AHDC1: variants seen among roughly 807,000 people sequenced by gnomAD.
The protein encoded by AHDC1 is AT-hook DNA binding motif containing 1.
Under a neutral mutation model 87.9 loss-of-function variants are expected in AHDC1, and 7 were observed. The observed-to-expected ratio is 0.08, with a 90% CI of 0.05 to 0.15. The LOEUF (loss-of-function observed/expected upper bound fraction) is 0.15, where lower values mean the gene tolerates loss of function less well. Ranked by LOEUF, AHDC1 falls within the 10% of genes least tolerant of loss-of-function variation. AHDC1 has a pLI of 1.00. For synonymous variants in AHDC1, 1,051 were observed against 1,006.8 expected, an observed-to-expected ratio of 1.04 and a Z score of -0.83; for missense variants, 1,841 against 2,253.2, an observed-to-expected ratio of 0.82 and a Z score of 3.70.
In AHDC1 at chr1:27,599,179, A is replaced by ACAGGGC. The variant is rs141660002; in HGVS notation, c.-629+4212_-629+4217dup. Among the ~76,000 whole-genome samples the ACAGGGC allele has an allele frequency of 5.0e-3, 764 of 152,064 alleles. 5 individuals carry two copies. Among genetic ancestry groups the ACAGGGC allele is most frequent in the East Asian group, 9.1e-3 (47 of 5,172 alleles). Reference sequence around the variant, plus strand: ...GCTACACCCTCCACACAGCCCTACCACAGGGCCAGGGCCAGGGCCAGGGCC... The same window carrying ACAGGGC: ...GCTACACCCTCCACACAGCCCTACCACAGGGCCAGGGCCAGGGCCAGGGCCAGGGCC... On this transcript the variant is annotated intron_variant, in intron 3 of 8. Coordinates refer to ENST00000673934, the MANE Select transcript of AHDC1 (RefSeq NM_001371928.1).
chr1:27,600,195 G>A (rs1353214975), intron 3 of AHDC1, among the ~76,000 whole-genome samples: 1 of 151,818 alleles, frequency 6.6e-6, no homozygotes, highest in East Asian at 2.0e-4. Flanking sequence ...CCCTCCCTGG[G>A]GGGGGCCCAT....
intron 8 of AHDC1, among the ~76,000 whole-genome samples, chr1:27,538,304 G>T (rs544131673): frequency 1.3e-5 from 2 of 150,070 alleles, no homozygotes; most frequent in Admixed American, 1.3e-4. Context: ...TCGGGAGGCC[G>T]AGGCATGAGA....
At position 27,549,535 on chromosome 1, in the gene AHDC1, G is replaced by C; in HGVS notation, c.2581C>G (p.Arg861Gly). 5 of 1,613,278 alleles carry C rather than the reference G, an allele frequency of 3.1e-6. No individual in the cohort carries two copies. The highest frequency in any genetic ancestry group is 4.2e-6 in the Non-Finnish European group (5 of 1,179,994). Reference sequence around the variant, plus strand: ...CCCGATGCCTTCCGGGACTCTGGGCGAGAGGCTGAGAGGGCAAAGTCCAAG... The same window carrying C: ...CCCGATGCCTTCCGGGACTCTGGGCCAGAGGCTGAGAGGGCAAAGTCCAAG... ...DLLDFALSAS[R>G]PESRKASGTY... Residue 861 changes from arginine to glycine, a missense_variant, in exon 8 of 9, where the codon CGC (arginine) becomes GGC (glycine). Coordinates refer to ENST00000673934, the MANE Select transcript of AHDC1 (RefSeq NM_001371928.1).
chr1:27,555,742 C>CT (rs1252762993), intron 5 of AHDC1, among the ~76,000 whole-genome samples: 1 of 148,704 alleles, frequency 6.7e-6, no homozygotes, highest in Non-Finnish European at 1.5e-5. Context: ...GAGGGTCAGG[C>CT]TAGCCGAGCC....
At chr1:27,539,059 T>G (rs562596067) in intron 8 of AHDC1, among the ~76,000 whole-genome samples, 1 of 152,230 alleles carries the variant, frequency 6.6e-6, no homozygotes, top group South Asian at 2.1e-4. Flanking sequence ...ATTCACTGAA[T>G]TATCGATGAG....
intron 8 of AHDC1, among the ~76,000 whole-genome samples, chr1:27,537,457 C>A (rs2018695056): frequency 6.6e-6 from 1 of 152,190 alleles, no homozygotes; most frequent in Non-Finnish European, 1.5e-5. Context: ...CACTGCTGAA[C>A]ACTACCCAGC....
rs190577883 is a variant in AHDC1 at position 27,548,246 on chromosome 1, C to T, written c.3870G>A (p.Ala1290=). 24 of 1,612,238 alleles carry T rather than the reference C, an allele frequency of 1.5e-5. 1 individual carries two copies. In the Middle Eastern group the frequency reaches 2.6e-3, roughly 177 times the overall value. ...CSAKKERGGA[A]AKAKFIPKPQ... ...GCTTGGGGATGAACTTGGCTTTGGC[C>T]GCTGCGCCACCCCGCTCCTTCTTGG... Residue 1290 remains alanine (A), a synonymous_variant, in exon 8 of 9, where the codon GCG becomes GCA. Coordinates refer to ENST00000673934, the MANE Select transcript of AHDC1 (RefSeq NM_001371928.1).
intron 3 of AHDC1, among the ~76,000 whole-genome samples, chr1:27,576,927 A>G (rs2088770322): frequency 6.6e-6 from 1 of 152,114 alleles, no homozygotes; most frequent in African/African-American, 2.4e-5. Flanking sequence ...ACATATATAC[A>G]GTGCATCCCA....
intron 3 of AHDC1, among the ~76,000 whole-genome samples, chr1:27,571,109 A>C (rs1226278314): frequency 6.6e-6 from 1 of 152,186 alleles, no homozygotes; most frequent in Admixed American, 6.5e-5. Context: ...GGCCAGACCC[A>C]GTGTGGGCTG....
intron 3 of AHDC1, among the ~76,000 whole-genome samples, chr1:27,596,188 G>T (rs1275943973): frequency 6.6e-6 from 1 of 152,038 alleles, no homozygotes; most frequent in Non-Finnish European, 1.5e-5. Context: ...GGGGTGTTGA[G>T]ACAGGCAGTC....
In AHDC1 at chr1:27,558,987, G is replaced by A. The variant is rs1415614501; in HGVS notation, c.-628-104C>T. The A allele has an allele frequency of 5.0e-6, 2 of 397,668 alleles. No individual in the cohort carries two copies. Among genetic ancestry groups the A allele is most frequent in the East Asian group, 3.6e-5 (1 of 28,080 alleles). The allele number at this position is 397,668 out of a possible 1,614,324, so 24.6% of individuals were successfully genotyped here. Reference sequence around the variant, plus strand: ...ACTGAGCCAGGAAGCTCTCCTACATGGAGTCCCATCCACCTCCAACCTCAT... The same window carrying A: ...ACTGAGCCAGGAAGCTCTCCTACATAGAGTCCCATCCACCTCCAACCTCAT... On this transcript the variant is annotated intron_variant, in intron 3 of 8. Coordinates refer to ENST00000673934, the MANE Select transcript of AHDC1 (RefSeq NM_001371928.1). The surrounding 1 kb of genome is among the most constrained non-coding windows in gnomAD (Gnocchi z 5.6).
rs377553724 is a variant in AHDC1 at position 27,534,634 on chromosome 1, C to T, written c.*326G>A. ...GGCCCCGCTCGCAACCTCTTGCACACGCTCGCTCTCTCGCTCTCTCTCTCT... is the reference window on the plus strand; with the variant it reads ...GGCCCCGCTCGCAACCTCTTGCACATGCTCGCTCTCTCGCTCTCTCTCTCT... On this transcript the variant is annotated 3_prime_UTR_variant, in exon 9 of 9. Coordinates refer to ENST00000673934, the MANE Select transcript of AHDC1 (RefSeq NM_001371928.1). 2 of 152,166 alleles carry T rather than the reference C, an allele frequency of 1.3e-5. No homozygotes were observed. Among genetic ancestry groups the T allele is most frequent in the African/African-American group, 4.8e-5 (2 of 41,294 alleles). 9.4% of individuals were successfully genotyped at this position (152,166 alleles called of 1,614,324 possible).
chr1:27,574,300 G>A (rs537950667), intron 3 of AHDC1, among the ~76,000 whole-genome samples: 79 of 152,328 alleles, frequency 5.2e-4, no homozygotes, highest in African/African-American at 1.9e-3. Flanking sequence ...CTTGGTGCAG[G>A]GGAAGGGAAT....
intron 3 of AHDC1, among the ~76,000 whole-genome samples, chr1:27,567,131 T>G (rs1267023381): frequency 6.6e-6 from 1 of 152,066 alleles, no homozygotes; most frequent in African/African-American, 2.4e-5. Context: ...AGGCTGGCCC[T>G]GGGGACCCTC....
At chr1:27,574,555 A>T (rs2088648179) in intron 3 of AHDC1, among the ~76,000 whole-genome samples, 1 of 152,216 alleles carries the variant, frequency 6.6e-6, no homozygotes, top group African/African-American at 2.4e-5. Context: ...CAACTGTGGC[A>T]TAGGTGAAGC....
chr1:27,549,391 G>C lies in AHDC1; in HGVS notation c.2725C>G (p.Pro909Ala). Residue 909 changes from proline (P) to alanine (A), a missense_variant, in exon 8 of 9, where the codon CCC (proline) becomes GCC (alanine). Transcript: ENST00000673934. ...AVGSSGAGADPSFQPVLSARQ... is the reference protein window; with the variant it reads ...AVGSSGAGADASFQPVLSARQ... ...GCGGACAGGACAGGCTGAAAGGAGGGGTCCGCCCCAGCCCCGCTGCTACCC... is the reference window on the plus strand; with the variant it reads ...GCGGACAGGACAGGCTGAAAGGAGGCGTCCGCCCCAGCCCCGCTGCTACCC... The C allele has an allele frequency of 6.2e-7, 1 of 1,612,960 alleles. No homozygotes were observed. Among genetic ancestry groups the C allele is most frequent in the Non-Finnish European group, 8.5e-7 (1 of 1,179,842 alleles).
intron 3 of AHDC1, among the ~76,000 whole-genome samples, chr1:27,588,858 CGT>C (rs1312007252): frequency 1.3e-5 from 2 of 151,808 alleles, no homozygotes; most frequent in Admixed American, 6.6e-5. Context: ...CACAGGATGC[CGT>C]GTGTGTACAT....
At chr1:27,545,400 G>A (rs868274853) in intron 8 of AHDC1, among the ~76,000 whole-genome samples, 4 of 152,032 alleles carry the variant, frequency 2.6e-5, no homozygotes, top group African/African-American at 9.7e-5. Context: ...CCAGAATGTG[G>A]GGCTGGATGG....
rs1328414691 is a variant in AHDC1, at chr1:27,547,248, T to A, written c.*43+13A>T. The A allele has an allele frequency of 2.0e-6, 3 of 1,494,578 alleles. No individual in the cohort carries two copies. Among genetic ancestry groups the A allele is most frequent in the African/African-American group, 2.8e-5 (2 of 71,214 alleles). The allele number at this position is 1,494,578 out of a possible 1,614,324, so 92.6% of individuals were successfully genotyped here. A position where few individuals can be genotyped will look rare whatever the true frequency, so the allele number is the denominator to read the frequency against. ...CAGGCCTCTGCCCACTGCGCCCACA[T>A]CCCCAGACTCACCCAGGAACAAAAC... On this transcript the variant is annotated intron_variant, in intron 8 of 8. Coordinates refer to ENST00000673934, the MANE Select transcript of AHDC1 (RefSeq NM_001371928.1). The surrounding 1 kb of genome is among the most constrained non-coding windows in gnomAD (Gnocchi z 4.9).
Sources: allele counts gnomAD v4.1 joint callset (sites outside exome capture counted in the v4.1 genomes callset), GRCh38; gene constraint gnomAD v4.1.1; non-coding constraint Gnocchi (gnomAD v3.1); transcripts MANE v1.5; gene names NCBI Gene and HGNC (gene_info 2026-07-23, HGNC 2026-07-21).